The following WDR64 variants were observed in gnomAD, a reference collection of about 807,000 sequenced individuals.
The protein encoded by WDR64 is WD repeat-containing protein 64.
In WDR64, 112 loss-of-function variants were observed where a neutral mutation model predicts 139.3. The observed-to-expected ratio is 0.80, with a 90% CI of 0.69 to 0.94. The LOEUF (loss-of-function observed/expected upper bound fraction) is 0.94, where lower values mean the gene tolerates loss of function less well. Among genes scored for constraint, WDR64 ranks in the 40% least tolerant of loss-of-function variants. WDR64 has a pLI of 0.00. For synonymous variants in WDR64, 444 were observed against 437.7 expected, an observed-to-expected ratio of 1.01 and a Z score of -0.18; for missense variants, 1,206 against 1,293.1, an observed-to-expected ratio of 0.93 and a Z score of 1.03.
rs758008692 is a variant in WDR64 at position 241,790,783 on chromosome 1, TATAAC to T, written c.2997+91_2997+95del. ...TTCTGAATTCAAATATGTCCAGTAATATAACATATTAATTTTTTATTGATGGTATT... is the reference window on the plus strand; with the variant it reads ...TTCTGAATTCAAATATGTCCAGTAATATATTAATTTTTTATTGATGGTATT... On this transcript the variant is annotated intron_variant, in intron 25 of 27. Transcript: ENST00000437684. 158 of 940,154 alleles carry T rather than the reference TATAAC, an allele frequency of 1.7e-4. 3 individuals are homozygous for T. The South Asian group carries it at 2.2e-3, about 13-fold the overall frequency. 58.2% of individuals were successfully genotyped at this position (940,154 alleles called of 1,614,324 possible).
intron 16 of WDR64, among the ~76,000 whole-genome samples, chr1:241,768,092 A>G (rs1193690370): frequency 2.6e-5 from 4 of 152,220 alleles, no homozygotes; most frequent in Non-Finnish European, 5.9e-5. Flanking sequence ...AGAGGGGGGC[A>G]ACACCCGTGA....
chr1:241,696,141 A>AAAAAAAAAAAC (rs1667477091), intron 8 of WDR64, among the ~76,000 whole-genome samples: 1 of 147,858 alleles, frequency 6.8e-6, no homozygotes, highest in East Asian at 2.0e-4. Flanking sequence ...AAAAAAAAAA[A>AAAAAAAAAAAC]GCATTAGTCT....
At chr1:241,795,106 T>C in intron 25 of WDR64, 101 bp from the exon 26 acceptor site, 1 of 950,224 alleles carries the variant, frequency 1.1e-6, no homozygotes, top group Non-Finnish European at 1.6e-6. Flanking sequence ...TCCCTTAAGA[T>C]CACACATCTA....
At chr1:241,778,939 T>C (rs1161083453) in intron 21 of WDR64, among the ~76,000 whole-genome samples, 2 of 152,148 alleles carry the variant, frequency 1.3e-5, no homozygotes, top group Admixed American at 6.5e-5. Context: ...GTTTTTATTT[T>C]ATCTTTGCTT....
rs746562486 is a variant in WDR64 at position 241,703,453 on chromosome 1, T to C, written c.975-8349T>C. ...CAGGGACTTTTGATAGGGGACTCTA[T>C]CAAAAAGTTTTTTTTTTTTTTCTGT... On this transcript the variant is annotated intron_variant, in intron 8 of 27. Coordinates refer to ENST00000437684, the MANE Select transcript of WDR64 (RefSeq NM_001367482.1). The surrounding 1 kb of genome is among the most constrained non-coding windows in gnomAD (Gnocchi z 5.9). Among the ~76,000 whole-genome samples the C allele has an allele frequency of 7.0e-6, 1 of 143,392 alleles. No homozygotes were observed. Among genetic ancestry groups the C allele is most frequent in the Admixed American group, 6.8e-5 (1 of 14,692 alleles). 94.1% of individuals were successfully genotyped at this position (143,392 alleles called of 152,430 possible).
intron 10 of WDR64, among the ~76,000 whole-genome samples, chr1:241,726,138 G>A (rs1668829498): frequency 6.6e-6 from 1 of 151,966 alleles, no homozygotes; most frequent in South Asian, 2.1e-4. Flanking sequence ...GGGCTCAAGT[G>A]AGCCTCCTGC....
chr1:241,787,429 C>T (rs1659079681), intron 23 of WDR64, among the ~76,000 whole-genome samples: 1 of 151,256 alleles, frequency 6.6e-6, no homozygotes, highest in African/African-American at 2.4e-5. Context: ...GTTTGGGAGG[C>T]CAAGGCGGGC....
At position 241,738,362 on chromosome 1, in the gene WDR64, G is replaced by C; in HGVS notation, c.1195-1G>C. 1.2e-6 allele frequency: 2 copies of C among 1,611,874 alleles called. No individual in the cohort carries two copies. The highest frequency in any genetic ancestry group is 1.1e-5 in the South Asian group (1 of 90,330). Reference sequence around the variant, plus strand: ...GTAAACTGTGTTTGTTATTCTTCCAGGTTTTCCGGGTGTGGGATATACAAA... The same window carrying C: ...GTAAACTGTGTTTGTTATTCTTCCACGTTTTCCGGGTGTGGGATATACAAA... On this transcript the variant is annotated splice_acceptor_variant, in intron 10 of 27. Coordinates refer to ENST00000437684, the MANE Select transcript of WDR64 (RefSeq NM_001367482.1). LOFTEE classifies it high-confidence loss of function.
intron 13 of WDR64, among the ~76,000 whole-genome samples, chr1:241,748,697 T>C (rs1669859053): frequency 6.6e-6 from 1 of 152,050 alleles, no homozygotes; most frequent in Admixed American, 6.5e-5. Context: ...CCCAGCACTT[T>C]GGGAGGCCGA....
At position 241,763,071 on chromosome 1, in the gene WDR64, C is replaced by T. The variant is rs372903173; in HGVS notation, c.1948-3147C>T. On this transcript the variant is annotated intron_variant, in intron 15 of 27. Coordinates refer to ENST00000437684, the MANE Select transcript of WDR64 (RefSeq NM_001367482.1). Reference sequence around the variant, plus strand: ...TCGTAGACCAATTCTAGCCTACTTCCCTTTTCAACTCTACATATAATTGGA... The same window carrying T: ...TCGTAGACCAATTCTAGCCTACTTCTCTTTTCAACTCTACATATAATTGGA... Among the ~76,000 whole-genome samples the T allele has an allele frequency of 3.9e-5, 6 of 152,090 alleles. No individual in the cohort carries two copies. In the East Asian group the frequency reaches 9.6e-4, roughly 24 times the overall value.
At chr1:241,702,094 A>G (rs1223888621) in intron 8 of WDR64, among the ~76,000 whole-genome samples, 1 of 152,240 alleles carries the variant, frequency 6.6e-6, no homozygotes, top group Non-Finnish European at 1.5e-5. Flanking sequence ...GCAATTAATT[A>G]TGCCATGTAA....
chr1:241,801,397 G>A lies in WDR64; in HGVS notation c.*182G>A. On this transcript the variant is annotated 3_prime_UTR_variant, in exon 28 of 28. Transcript: ENST00000437684. ...TGGTGACCTTAACTCTGAATACCAA[G>A]CAAGCAGCAAGCAGCCAGAAGTTTA... is the stretch of plus-strand genomic sequence containing the variant. 2.0e-6 allele frequency: 1 copy of A among 497,186 alleles called. No individual in the cohort carries two copies. Among genetic ancestry groups the A allele is most frequent in the Non-Finnish European group, 3.6e-6 (1 of 280,260 alleles). 30.8% of individuals were successfully genotyped at this position (497,186 alleles called of 1,614,324 possible). A position where few individuals can be genotyped will look rare whatever the true frequency, so the allele number is the denominator to read the frequency against.
intron 12 of WDR64, among the ~76,000 whole-genome samples, chr1:241,743,298 C>T (rs563366816): frequency 9.2e-5 from 14 of 152,182 alleles, no homozygotes; most frequent in Non-Finnish European, 1.9e-4. Flanking sequence ...GATGGGTGAC[C>T]CCTGAGACCC....
At chr1:241,723,469 T>C (rs761494500) in intron 10 of WDR64, 33 bp downstream of exon 10, 5 of 1,605,352 alleles carry the variant, frequency 3.1e-6, no homozygotes, top group South Asian at 1.1e-5. Flanking sequence ...ACAAAACTAG[T>C]TTTTTCCGGA....
intron 20 of WDR64, among the ~76,000 whole-genome samples, chr1:241,774,778 T>C (rs1032652267): frequency 2.7e-4 from 41 of 152,120 alleles, no homozygotes; most frequent in African/African-American, 8.9e-4. Context: ...AAAGAAAATA[T>C]GTAATCGGAA....
At chr1:241,670,763 G>A (rs1440671460) in intron 2 of WDR64, among the ~76,000 whole-genome samples, 3 of 152,204 alleles carry the variant, frequency 2.0e-5, no homozygotes, top group South Asian at 4.1e-4. Flanking sequence ...TGTATGCAAG[G>A]GATCTAGATT....
chr1:241,800,006 A>C (rs1379444839), intron 27 of WDR64, among the ~76,000 whole-genome samples: 1 of 152,244 alleles, frequency 6.6e-6, no homozygotes, highest in Non-Finnish European at 1.5e-5. Flanking sequence ...AACTTTGCCT[A>C]ACTTACTCTC....
At chr1:241,744,554 G>A in intron 13 of WDR64, 38 bp downstream of exon 13, 1 of 1,609,976 alleles carries the variant, frequency 6.2e-7, no homozygotes, top group Non-Finnish European at 8.5e-7. Context: ...CCCTGCTTTA[G>A]TGTCCTGAGA....
chr1:241,654,487 T>C (rs1355024113), intron 1 of WDR64, among the ~76,000 whole-genome samples: 4 of 152,246 alleles, frequency 2.6e-5, no homozygotes, highest in Non-Finnish European at 5.9e-5. Context: ...AGATTAACAC[T>C]GTTAGCTGCC....
Sources: allele counts gnomAD v4.1 joint callset (sites outside exome capture counted in the v4.1 genomes callset), GRCh38; gene constraint gnomAD v4.1.1; non-coding constraint Gnocchi (gnomAD v3.1); transcripts MANE v1.5; gene names NCBI Gene and HGNC (gene_info 2026-07-23, HGNC 2026-07-21).